Variants in SPG11 observed in about 807,000 individuals in gnomAD.
The protein encoded by SPG11 is SPG11 vesicle trafficking associated, spatacsin.
Under a neutral mutation model 274.0 loss-of-function variants are expected in SPG11, and 222 were observed. That is an observed-to-expected ratio of 0.81 (90% CI 0.73 to 0.91). SPG11 has a LOEUF of 0.91. Ranked by LOEUF, SPG11 falls within the 40% of genes least tolerant of loss-of-function variation. SPG11 has a pLI of 0.00. For synonymous variants in SPG11, 1,144 were observed against 1,039.7 expected, an observed-to-expected ratio of 1.10 and a Z score of -1.93; for missense variants, 3,114 against 2,872.7, an observed-to-expected ratio of 1.08 and a Z score of -1.92.
intron 7 of SPG11, among the ~76,000 whole-genome samples, chr15:44,641,852 A>G (rs974197431): frequency 6.8e-6 from 1 of 146,830 alleles, no homozygotes; most frequent in African/African-American, 2.6e-5. Flanking sequence ...TTCTGCTTTC[A>G]CCCTAGAGAC....
chr15:44,574,816 G>C (rs780230086), intron 31 of SPG11, 86 bp downstream of exon 31: 4 of 1,501,324 alleles, frequency 2.7e-6, no homozygotes, highest in African/African-American at 2.8e-5. Flanking sequence ...TCATCTAAAA[G>C]GCTGACTTGG....
At chr15:44,589,171 T>C in intron 28 of SPG11, 81 bp downstream of exon 28, 1 of 1,459,142 alleles carries the variant, frequency 6.9e-7, no homozygotes, top group Non-Finnish European at 9.5e-7. Flanking sequence ...CATTTTAATT[T>C]CCTAACTACC....
At chr15:44,631,040 C>G (rs1269943403) in intron 8 of SPG11, among the ~76,000 whole-genome samples, 1 of 152,108 alleles carries the variant, frequency 6.6e-6, no homozygotes, top group Non-Finnish European at 1.5e-5. Context: ...CAAATTGATA[C>G]AACTTTTGAA....
rs377329797 is a variant in SPG11 at position 44,584,999 on chromosome 15, A to C, written c.5122-441T>G. 2.6e-5 allele frequency among the ~76,000 whole-genome samples: 4 copies of C among 152,192 alleles called. No homozygotes were observed. In the East Asian group the frequency reaches 7.7e-4, roughly 29 times the overall value. ...GGCTACAGATGACCCTAGATATTTT[A>C]TCTGGAAAGTTATGGTATGAAAAAC... On this transcript the variant is annotated intron_variant, in intron 29 of 39. Transcript: ENST00000261866.
At position 44,649,009 on chromosome 15, in the gene SPG11, T is replaced by G. The variant is rs1175241068; in HGVS notation, c.1459A>C (p.Asn487His). 1 of 1,612,136 alleles carries G rather than the reference T, an allele frequency of 6.2e-7. No homozygotes were observed. Reference sequence around the variant, plus strand: ...CCAAACAAAATCAGAGAGAGTCCATTCTCTATAGGAAAAATAAAAGTTAGC... The same window carrying G: ...CCAAACAAAATCAGAGAGAGTCCATGCTCTATAGGAAAAATAAAAGTTAGC... The part of the protein sequence containing the change: ...DQQLCFVLTE[N>H]GLSLILFGLT... Residue 487 changes from asparagine (N) to histidine (H), a missense_variant and splice_region_variant, in exon 7 of 40, where the codon AAT (asparagine) becomes CAT (histidine). Asn to His is a moderately conservative substitution (Grantham distance 68). Transcript: ENST00000261866.
In SPG11 at chr15:44,596,875, A is replaced by G. The variant is rs367550468; in HGVS notation, c.4070T>C (p.Leu1357Pro). The G allele has an allele frequency of 5.6e-5, 90 of 1,613,920 alleles. No homozygotes were observed. The highest frequency in any genetic ancestry group is 7.1e-5 in the Non-Finnish European group (84 of 1,180,010). ...VQFCRLHNMK[L>P]SISYLRECAK... ...ACATTCTCTAAGGTAAGATATGCTT[A>G]GTTTCATATTGTGTAGCCTGCAGAA... is the stretch of plus-strand genomic sequence containing the variant. Residue 1357 changes from leucine (L) to proline (P), a missense_variant, in exon 24 of 40, where the codon CTA becomes CCA. Transcript: ENST00000261866.
intron 15 of SPG11, among the ~76,000 whole-genome samples, chr15:44,619,053 G>A (rs2083668553): frequency 6.6e-6 from 1 of 152,096 alleles, no homozygotes; most frequent in Non-Finnish European, 1.5e-5. Flanking sequence ...AAGCACACAA[G>A]TTCTATAATA....
At chr15:44,658,583 C>T (rs1356735667) in intron 3 of SPG11, among the ~76,000 whole-genome samples, 1 of 151,874 alleles carries the variant, frequency 6.6e-6, no homozygotes, top group East Asian at 1.9e-4. Flanking sequence ...CTCAGCCTCC[C>T]GAGTAGCTGG....
chr15:44,569,300 C>A, intron 35 of SPG11, 98 bp downstream of exon 35: 1 of 920,728 alleles, frequency 1.1e-6, no homozygotes, highest in South Asian at 1.4e-5. Context: ...TCCATTTTCC[C>A]AAGAGTCTAC....
intron 30 of SPG11, among the ~76,000 whole-genome samples, chr15:44,578,332 G>A (rs1042646866): frequency 6.6e-6 from 1 of 151,830 alleles, no homozygotes; most frequent in Non-Finnish European, 1.5e-5. Flanking sequence ...CGCCTGGCCA[G>A]AGGAGCCTCC....
At chr15:44,636,239 G>A (rs181344035) in intron 7 of SPG11, among the ~76,000 whole-genome samples, 131 of 151,922 alleles carry the variant, frequency 8.6e-4, no homozygotes, top group Admixed American at 4.5e-3. Context: ...GGTGACACCC[G>A]CCAAAAAAAG....
At chr15:44,621,525 C>T in intron 14 of SPG11, 1 of 476,426 alleles carries the variant, frequency 2.1e-6, no homozygotes, top group Non-Finnish European at 3.8e-6. Context: ...GGAATGAAAA[C>T]TCAGCCTTGA....
chr15:44,570,430 C>T, intron 34 of SPG11, 95 bp downstream of exon 34: 2 of 1,524,800 alleles, frequency 1.3e-6, no homozygotes, highest in Middle Eastern at 1.8e-4. Flanking sequence ...GGCAGAACCC[C>T]CTACGACTAC....
intron 30 of SPG11, among the ~76,000 whole-genome samples, chr15:44,580,516 C>T (rs929295455): frequency 1.3e-5 from 2 of 152,232 alleles, no homozygotes; most frequent in African/African-American, 4.8e-5. Flanking sequence ...CAGAGGCTCA[C>T]GCCTGTAATC....
intron 11 of SPG11, among the ~76,000 whole-genome samples, chr15:44,623,249 C>T (rs1316217852): frequency 6.6e-6 from 1 of 152,026 alleles, no homozygotes; most frequent in Non-Finnish European, 1.5e-5. Flanking sequence ...CTGCCTGGCC[C>T]TCCTACATTC....
Position 44,600,401 on chromosome 15 carries a change from C to T in SPG11, c.3686+66G>A, listed in dbSNP as rs2083154071. The T allele has an allele frequency of 2.5e-6, 4 of 1,570,312 alleles. No homozygotes were observed. In the South Asian group the frequency reaches 3.3e-5, roughly 13 times the overall value. ...CTGGGCTCAAGTGATCCTCCTGCTT[C>T]CCAAAGTGCTGGGATTACAGGTGTG... is the stretch of plus-strand genomic sequence containing the variant. On this transcript the variant is annotated intron_variant, in intron 21 of 39. Coordinates refer to ENST00000261866, the MANE Select transcript of SPG11 (RefSeq NM_025137.4).
intron 1 of SPG11, 55 bp downstream of exon 1, chr15:44,663,336 A>G: frequency 6.4e-7 from 1 of 1,573,054 alleles, no homozygotes; most frequent in Non-Finnish European, 8.6e-7. Context: ...GGGCTCAGTC[A>G]GCCGAGCCTA....
chr15:44,574,980 G>T lies in SPG11; in HGVS notation c.5928C>A (p.Asn1976Lys). Reference sequence around the variant, plus strand: ...GGCATTTGCTTGTCAGCACTTCCAGGTTAGTTACCACTTCATTACTGGAGG... The same window carrying T: ...GGCATTTGCTTGTCAGCACTTCCAGTTTAGTTACCACTTCATTACTGGAGG... ...TVPSSNEVVT[N>K]LEVLTSKCLH... The change falls in exon 31 of 40, where the codon AAC becomes AAA. Residue 1976 changes from asparagine (N) to lysine (K), a missense_variant. Physicochemically the swap from Asn to Lys is moderately conservative, Grantham distance 94 (BLOSUM62 0). Transcript: ENST00000261866. 2 of 1,614,084 alleles carry T rather than the reference G, an allele frequency of 1.2e-6. No homozygotes were observed. The highest frequency in any genetic ancestry group is 1.7e-6 in the Non-Finnish European group (2 of 1,180,040).
At chr15:44,657,073 G>C in intron 4 of SPG11, 22 bp downstream of exon 4, 1 of 1,607,500 alleles carries the variant, frequency 6.2e-7, no homozygotes, top group Non-Finnish European at 8.5e-7. Context: ...CCTCAAATTA[G>C]AAACTGCAGT....
Sources: gnomAD v4.1 joint callset for allele counts (sites outside exome capture counted in the v4.1 genomes callset) on GRCh38, gnomAD v4.1.1 for gene constraint, MANE v1.5 for transcripts, NCBI Gene and HGNC (gene_info 2026-07-23, HGNC 2026-07-21) for gene names.